ADAMTSL1: variants seen among roughly 807,000 people sequenced by gnomAD.
ADAMTSL1 encodes ADAMTS-like protein 1.
Under a neutral mutation model 201.8 loss-of-function variants are expected in ADAMTSL1, and 126 were observed. That is an observed-to-expected ratio of 0.62 (90% confidence interval 0.54 to 0.72). The LOEUF is 0.72. Among genes scored for constraint, ADAMTSL1 ranks in the 30% least tolerant of loss-of-function variants. ADAMTSL1 has a pLI of 0.00. For synonymous variants in ADAMTSL1, 1,121 were observed against 903.4 expected, an observed-to-expected ratio of 1.24 and a Z score of -4.32; for missense variants, 2,679 against 2,277.8, an observed-to-expected ratio of 1.18 and a Z score of -3.59.
chr9:18,372,351 G>A (rs1367515154), intron 2 of ADAMTSL1, among the ~76,000 whole-genome samples: 1 of 152,084 alleles, frequency 6.6e-6, no homozygotes, highest in East Asian at 1.9e-4. Flanking sequence ...GCCGTGACTG[G>A]GATTCTTTTG....
At chr9:18,127,499 C>T (rs1748794133) in intron 1 of ADAMTSL1, among the ~76,000 whole-genome samples, 1 of 151,068 alleles carries the variant, frequency 6.6e-6, no homozygotes, top group African/African-American at 2.5e-5. Flanking sequence ...CACACACACA[C>T]ACACACACAC....
At chr9:17,999,372 G>C (rs1471277909) in intron 1 of ADAMTSL1, among the ~76,000 whole-genome samples, 1 of 151,890 alleles carries the variant, frequency 6.6e-6, no homozygotes, top group Non-Finnish European at 1.5e-5. Context: ...CTGCTGTGAT[G>C]CTTCTCCCAG....
intron 2 of ADAMTSL1, among the ~76,000 whole-genome samples, chr9:18,401,182 A>G (rs1661975448): frequency 1.3e-5 from 2 of 152,224 alleles, no homozygotes; most frequent in Admixed American, 6.5e-5. Context: ...TGCAAGGGCT[A>G]CTCCCAAGGC....
chr9:18,104,055 A>G (rs1305950351), intron 1 of ADAMTSL1, among the ~76,000 whole-genome samples: 1 of 152,218 alleles, frequency 6.6e-6, no homozygotes, highest in African/African-American at 2.4e-5. Context: ...ACAATTAAAT[A>G]GTAACATCTT....
At chr9:18,357,381 G>C (rs962061799) in intron 2 of ADAMTSL1, among the ~76,000 whole-genome samples, 1 of 152,102 alleles carries the variant, frequency 6.6e-6, no homozygotes, top group African/African-American at 2.4e-5. Context: ...CTATTAATAT[G>C]TTCCGTTTCA....
At chr9:18,099,516 C>G (rs1022340848) in intron 1 of ADAMTSL1, among the ~76,000 whole-genome samples, 3 of 147,834 alleles carry the variant, frequency 2.0e-5, no homozygotes, top group Non-Finnish European at 4.5e-5. Flanking sequence ...TTTTCTGTTT[C>G]TTTGTATTTG....
At chr9:18,654,316 T>G (rs1352621844) in intron 7 of ADAMTSL1, among the ~76,000 whole-genome samples, 1 of 152,228 alleles carries the variant, frequency 6.6e-6, no homozygotes, top group East Asian at 1.9e-4. Flanking sequence ...AATCAAGTGA[T>G]CAGTAACATC....
chr9:18,771,670 A>G (rs905614915), intron 17 of ADAMTSL1, among the ~76,000 whole-genome samples: 4 of 145,302 alleles, frequency 2.8e-5, no homozygotes. Context: ...TTTCTAGCAT[A>G]TAAGCATTTG....
At chr9:18,353,765 T>A (rs1446853179) in intron 2 of ADAMTSL1, among the ~76,000 whole-genome samples, 1 of 152,156 alleles carries the variant, frequency 6.6e-6, no homozygotes. Flanking sequence ...GAGGTTGCCA[T>A]CTTTGTGTGG....
intron 1 of ADAMTSL1, among the ~76,000 whole-genome samples, chr9:17,931,391 G>A (rs190258379): frequency 2.2e-3 from 330 of 152,242 alleles, no homozygotes; most frequent in African/African-American, 7.4e-3. Context: ...AGGAGCTTTC[G>A]AGATTTTCCA....
chr9:18,281,393 C>G (rs1832782488), intron 2 of ADAMTSL1, among the ~76,000 whole-genome samples: 1 of 152,084 alleles, frequency 6.6e-6, no homozygotes, highest in Non-Finnish European at 1.5e-5. Context: ...GAATTCAGCA[C>G]CAGACTGGGA....
intron 1 of ADAMTSL1, among the ~76,000 whole-genome samples, chr9:17,936,023 C>A (rs1826994207): frequency 6.6e-6 from 1 of 152,202 alleles, no homozygotes; most frequent in Non-Finnish European, 1.5e-5. Flanking sequence ...CTTTGCTGTT[C>A]TTCTAACATT....
At chr9:18,665,430 C>G (rs1187136357) in intron 9 of ADAMTSL1, among the ~76,000 whole-genome samples, 1 of 152,100 alleles carries the variant, frequency 6.6e-6, no homozygotes, top group Non-Finnish European at 1.5e-5. Context: ...CCAGTCACTG[C>G]ATGTGATTGT....
chr9:18,444,997 CT>C (rs1391051861), intron 2 of ADAMTSL1, among the ~76,000 whole-genome samples: 1 of 152,108 alleles, frequency 6.6e-6, no homozygotes, highest in Non-Finnish European at 1.5e-5. Context: ...GTTTAGGTAA[CT>C]TATTTGCCTA....
rs558864176 is a variant in ADAMTSL1, at chr9:18,792,598, T to C, written c.3678-2799T>C. ...AATAGTGATCTTCTGAGTTCCATCA[T>C]TCTCAGTTCTATTGAAACTTGACTA... On this transcript the variant is annotated intron_variant, in intron 19 of 28. Coordinates refer to ENST00000380548, the MANE Select transcript of ADAMTSL1 (RefSeq NM_001040272.6). 2.8e-4 allele frequency among the ~76,000 whole-genome samples: 43 copies of C among 152,356 alleles called. No homozygotes were observed. In the South Asian group the frequency reaches 7.9e-3, roughly 28 times the overall value.
intron 23 of ADAMTSL1, among the ~76,000 whole-genome samples, chr9:18,859,206 A>G (rs933662053): frequency 6.6e-6 from 1 of 152,198 alleles, no homozygotes; most frequent in Non-Finnish European, 1.5e-5. Context: ...TAAAATCAAG[A>G]TTGACCAAGA....
chr9:18,411,266 G>A (rs570625368), intron 2 of ADAMTSL1, among the ~76,000 whole-genome samples: 4 of 151,414 alleles, frequency 2.6e-5, no homozygotes, highest in South Asian at 4.2e-4. Context: ...GTGCAATCTC[G>A]ACTCACTGCA....
At chr9:18,263,292 A>G (rs984613644) in intron 2 of ADAMTSL1, among the ~76,000 whole-genome samples, 1 of 152,182 alleles carries the variant, frequency 6.6e-6, no homozygotes, top group African/African-American at 2.4e-5. Flanking sequence ...GAGGAGATCT[A>G]ACATTATTGA....
chr9:18,908,219 A>G, intron 28 of ADAMTSL1: 1 of 559,946 alleles, frequency 1.8e-6, no homozygotes, highest in Non-Finnish European at 3.2e-6. Flanking sequence ...CCCATCATTC[A>G]GCCAGACAGC....
Sources: allele counts gnomAD v4.1 joint callset (sites outside exome capture counted in the v4.1 genomes callset), GRCh38; gene constraint gnomAD v4.1.1; transcripts MANE v1.5; gene names NCBI Gene and HGNC (gene_info 2026-07-23, HGNC 2026-07-21).